Variants in SLC39A11 observed in about 807,000 individuals in gnomAD.
SLC39A11 encodes the protein solute carrier family 39 member 11, also known as zinc transporter ZIP11.
SLC39A11 carries 33 observed loss-of-function variants against 36.1 expected under a neutral mutation model. That is an observed-to-expected ratio of 0.91 (90% CI 0.69 to 1.22). SLC39A11 has a LOEUF of 1.22. Ranked by LOEUF, SLC39A11 falls within the 50% of genes most tolerant of loss-of-function variation. The pLI, the probability that SLC39A11 is intolerant of heterozygous loss-of-function variation, is 0.00. For missense variants in SLC39A11, 432 were observed against 430.3 expected, an observed-to-expected ratio of 1.00 and a Z score of -0.03; for synonymous variants, 166 against 170.3, an observed-to-expected ratio of 0.97 and a Z score of 0.20.
intron 6 of SLC39A11, among the ~76,000 whole-genome samples, chr17:72,759,111 C>CAATAATAAT (rs201799463): frequency 6.9e-6 from 1 of 144,616 alleles, no homozygotes; most frequent in African/African-American, 2.7e-5. Context: ...AAAATAATAA[C>CAATAATAAT]AATAATAATA....
At chr17:72,962,630 G>A (rs1174218608) in intron 4 of SLC39A11, among the ~76,000 whole-genome samples, 1 of 151,988 alleles carries the variant, frequency 6.6e-6, no homozygotes, top group Non-Finnish European at 1.5e-5. Flanking sequence ...TCTGCCTCCC[G>A]AGTTCATGCA....
At chr17:72,653,553 C>G (rs1363290917) in intron 7 of SLC39A11, among the ~76,000 whole-genome samples, 3 of 151,974 alleles carry the variant, frequency 2.0e-5, no homozygotes, top group Non-Finnish European at 4.4e-5. Context: ...GATTCTCCTG[C>G]CTCAGCCTCC....
chr17:72,980,480 G>A (rs79928269), intron 4 of SLC39A11, among the ~76,000 whole-genome samples: 4,202 of 152,184 alleles, frequency 0.028, 111 homozygotes, highest in East Asian at 0.11. Flanking sequence ...TTCTGCCTAC[G>A]TTAATGTAGA....
At chr17:73,040,667 A>G (rs1230937708) in intron 3 of SLC39A11, among the ~76,000 whole-genome samples, 6 of 152,194 alleles carry the variant, frequency 3.9e-5, no homozygotes, top group African/African-American at 2.4e-5. Flanking sequence ...AATACTTCCA[A>G]ATAAAGAGCT....
At chr17:72,682,113 T>C (rs2071534465) in intron 7 of SLC39A11, among the ~76,000 whole-genome samples, 1 of 152,202 alleles carries the variant, frequency 6.6e-6, no homozygotes, top group Non-Finnish European at 1.5e-5. Context: ...GCAAGGGACC[T>C]ACGTTGTGAT....
chr17:72,731,713 TTTTGTTTGTTTG>T (rs55797288), intron 7 of SLC39A11, among the ~76,000 whole-genome samples: 6,522 of 150,078 alleles, frequency 0.043, 187 homozygotes, highest in African/African-American at 0.088. Flanking sequence ...GCATTCCTTT[TTTTGTTTGTTTG>T]TTTGTTTGTT....
chr17:72,773,505 C>T (rs758932303), intron 6 of SLC39A11, among the ~76,000 whole-genome samples: 23 of 152,120 alleles, frequency 1.5e-4, no homozygotes, highest in Non-Finnish European at 3.1e-4. Flanking sequence ...GTGCCTTTCA[C>T]CTTCTGCCAT....
At chr17:72,870,162 T>A (rs887022828) in intron 5 of SLC39A11, among the ~76,000 whole-genome samples, 1 of 152,168 alleles carries the variant, frequency 6.6e-6, no homozygotes, top group African/African-American at 2.4e-5. Context: ...GTGAGTCTAA[T>A]GTGCGAGGTC....
chr17:72,718,260 C>T (rs953054339), intron 7 of SLC39A11, among the ~76,000 whole-genome samples: 2 of 152,082 alleles, frequency 1.3e-5, no homozygotes, highest in African/African-American at 4.8e-5. Context: ...CCTGGTGAAA[C>T]CCCGCCTCTA....
chr17:72,693,767 A>T (rs574867718), intron 7 of SLC39A11, among the ~76,000 whole-genome samples: 2 of 152,190 alleles, frequency 1.3e-5, no homozygotes, highest in South Asian at 2.1e-4. Flanking sequence ...GATTCAAGCG[A>T]TTCTCCTGCC....
At chr17:72,882,621 G>T (rs535752096) in intron 5 of SLC39A11, among the ~76,000 whole-genome samples, 2 of 151,972 alleles carry the variant, frequency 1.3e-5, no homozygotes, top group Non-Finnish European at 2.9e-5. Flanking sequence ...CAGCTGGCCC[G>T]CTCTGCTACT....
intron 5 of SLC39A11, among the ~76,000 whole-genome samples, chr17:72,905,603 A>C (rs1201878113): frequency 1.3e-5 from 2 of 151,788 alleles, no homozygotes; most frequent in South Asian, 2.1e-4. Context: ...TCTCTAAAAA[A>C]AAAAAGAAGA....
chr17:72,649,641 T>C (rs1474190770), intron 7 of SLC39A11, among the ~76,000 whole-genome samples: 25 of 130,012 alleles, frequency 1.9e-4, no homozygotes, highest in Middle Eastern at 4.0e-3. Context: ...TTTTTTTCTT[T>C]TTCTTTTTTT....
chr17:72,938,195 C>A (rs182700645), intron 5 of SLC39A11, among the ~76,000 whole-genome samples: 1 of 152,300 alleles, frequency 6.6e-6, no homozygotes, highest in East Asian at 1.9e-4. Flanking sequence ...AGAATGCTAG[C>A]ATACCTGCCA....
At chr17:72,731,456 G>A (rs1233608604) in intron 7 of SLC39A11, among the ~76,000 whole-genome samples, 1 of 152,112 alleles carries the variant, frequency 6.6e-6, no homozygotes, top group African/African-American at 2.4e-5. Flanking sequence ...CCTCCTTGGT[G>A]TCTTTTGTAA....
intron 7 of SLC39A11, among the ~76,000 whole-genome samples, chr17:72,672,156 A>G (rs1041767209): frequency 6.6e-6 from 1 of 152,152 alleles, no homozygotes. Context: ...ACAAAACAAA[A>G]TCATGTTTTC....
intron 5 of SLC39A11, among the ~76,000 whole-genome samples, chr17:72,925,002 A>C (rs1043422175): frequency 5.1e-5 from 5 of 97,508 alleles, no homozygotes; most frequent in African/African-American, 3.3e-4. Flanking sequence ...ACTCCATTTC[A>C]AAAAAAAAAA....
chr17:72,842,226 T>C (rs2078853467), intron 6 of SLC39A11, among the ~76,000 whole-genome samples: 1 of 152,078 alleles, frequency 6.6e-6, no homozygotes, highest in Non-Finnish European at 1.5e-5. Context: ...GTGATAATTA[T>C]GGTAACAGAA....
intron 7 of SLC39A11, among the ~76,000 whole-genome samples, chr17:72,678,678 C>A (rs9891781): frequency 3.6e-4 from 55 of 151,662 alleles, no homozygotes; most frequent in Non-Finnish European, 6.9e-4. Context: ...GCACTCCAGC[C>A]TGGACGAGAA....
Sources: gnomAD v4.1 joint callset for allele counts (sites outside exome capture counted in the v4.1 genomes callset) on GRCh38, gnomAD v4.1.1 for gene constraint, MANE v1.5 for transcripts, NCBI Gene and HGNC (gene_info 2026-07-23, HGNC 2026-07-21) for gene names.